Variants in ZNF205 observed in about 807,000 individuals in gnomAD.
ZNF205 encodes the protein transcriptional repressor RHIT.
A neutral mutation model predicts 53.6 loss-of-function variants in ZNF205; 32 were observed. The ratio of observed to expected loss-of-function variants is 0.60; its 90% CI spans 0.45 to 0.80. The LOEUF is 0.80. Among genes scored for constraint, ZNF205 ranks in the 30% least tolerant of loss-of-function variants. The probability of loss-of-function intolerance (pLI) is 0.00; values close to 1 mark genes in which losing one functional copy is unlikely to be tolerated. For synonymous variants in ZNF205, 382 were observed against 334.3 expected (o/e 1.14, Z -1.56); for missense variants, 836 against 782.4 (o/e 1.07, Z -0.82).
At chr16:3,117,442 C>CTT (rs139893783) in intron 5 of ZNF205, among the ~76,000 whole-genome samples, 2,063 of 73,088 alleles carry the variant, frequency 0.028, 432 homozygotes, top group African/African-American at 0.1. Context: ...AGTCCCAGAG[C>CTT]TTTTTTTTTT....
Position 3,115,835 on chromosome 16 carries a change from C to G in ZNF205, c.278C>G (p.Pro93Arg), listed in dbSNP as rs1421081377. The change falls in exon 4 of 7, where the codon CCC (proline) becomes CGC (arginine). Residue 93 changes from proline (P) to arginine (R), a missense_variant. Coordinates refer to ENST00000219091, the MANE Select transcript of ZNF205 (RefSeq NM_001042428.2). ...KALFLPGGAL[P>R]SPRIPVLSRE... The stretch of plus-strand genomic sequence containing the variant: ...GACCTCTCTCCTCCCACAGCCCTCC[C>G]CTCCCCCCGGATCCCCGTGCTTTCC... 6.2e-7 allele frequency: 1 copy of G among 1,613,372 alleles called. No individual in the cohort carries two copies. The highest frequency in any genetic ancestry group is 8.5e-7 in the Non-Finnish European group (1 of 1,179,676).
At chr16:3,114,988 C>T (rs1284859082) in intron 2 of ZNF205, 1 of 178,942 alleles carries the variant, frequency 5.6e-6, no homozygotes, top group African/African-American at 2.3e-5. Flanking sequence ...ACCCTTTTCC[C>T]CAATAAGGTC....
chr16:3,113,522 A>G, intron 2 of ZNF205, 35 bp downstream of exon 2: 3 of 1,609,364 alleles, frequency 1.9e-6, no homozygotes, highest in South Asian at 1.1e-5. Flanking sequence ...GGTGTGCGGT[A>G]GAAGAGGCTG....
chr16:3,113,972 A>G (rs1277418278), intron 2 of ZNF205, among the ~76,000 whole-genome samples: 1 of 152,066 alleles, frequency 6.6e-6, no homozygotes, highest in African/African-American at 2.4e-5. Context: ...AGTCAGCGAC[A>G]GGCCAGGGGC....
intron 3 of ZNF205, 107 bp from the exon 4 acceptor site, chr16:3,115,721 TC>T (rs1337170157): frequency 2.1e-5 from 30 of 1,397,070 alleles, no homozygotes; most frequent in Non-Finnish European, 2.9e-5. Context: ...GTCAGAGCCA[TC>T]CGACCCTGTC....
chr16:3,116,218 T>A, intron 4 of ZNF205: 1 of 710,542 alleles, frequency 1.4e-6, no homozygotes, highest in Non-Finnish European at 2.3e-6. Flanking sequence ...TTAACTGTGA[T>A]CCCTGAAAAT....
Position 3,117,442 on chromosome 16 carries a change from CTTT to C in ZNF205, c.484+917_484+919del, listed in dbSNP as rs139893783. Among the ~76,000 whole-genome samples the C allele has an allele frequency of 1.2e-4, 9 of 73,176 alleles. No individual in the cohort carries two copies. The South Asian group carries it at 2.6e-3, about 21-fold the overall frequency. The allele number at this position is 73,176 out of a possible 152,430, so 48.0% of individuals were successfully genotyped here. A position where few individuals can be genotyped will look rare whatever the true frequency, so the allele number is the denominator to read the frequency against. Reference sequence around the variant, plus strand: ...GATGTTAAGTATTTAAGTCCCAGAGCTTTTTTTTTTTTTTTTTTTTTTTTGAAA... The same window carrying C: ...GATGTTAAGTATTTAAGTCCCAGAGCTTTTTTTTTTTTTTTTTTTTTGAAA... On this transcript the variant is annotated intron_variant, in intron 5 of 6. Transcript: ENST00000219091.
At position 3,113,399 on chromosome 16, in the gene ZNF205, C is replaced by G; in HGVS notation, c.-14-18C>G. 6.2e-7 allele frequency: 1 copy of G among 1,611,734 alleles called. No homozygotes were observed. The highest frequency in any genetic ancestry group is 8.5e-7 in the Non-Finnish European group (1 of 1,178,862). Reference sequence around the variant, plus strand: ...CTTGGCCAAAAAGAGGGAGAAACAACTCAGCTGTTCTTTCTAGCTCTGAAA... The same window carrying G: ...CTTGGCCAAAAAGAGGGAGAAACAAGTCAGCTGTTCTTTCTAGCTCTGAAA... On this transcript the variant is annotated intron_variant, in intron 1 of 6. Transcript: ENST00000219091.
chr16:3,119,560 C>T lies in ZNF205; in HGVS notation c.900C>T (p.Asp300=), dbSNP rs1475482054. The T allele has an allele frequency of 1.2e-5, 19 of 1,608,196 alleles. No homozygotes were observed. The highest frequency in any genetic ancestry group is 1.6e-5 in the Non-Finnish European group (19 of 1,177,818). The stretch of plus-strand genomic sequence containing the variant: ...GTGGCGAGGAGGGCCTGGCCCCTGA[C>T]AGTGAGGTGGGCAGGAAGAGCTACC... ...PESGEEGLAP[D]SEVGRKSYRC... Residue 300 remains aspartate (D), a synonymous_variant, in exon 7 of 7, where the codon GAC becomes GAT. Coordinates refer to ENST00000219091, the MANE Select transcript of ZNF205 (RefSeq NM_001042428.2).
chr16:3,120,473 C>T lies in ZNF205; in HGVS notation c.*148C>T. 1.0e-6 allele frequency: 1 copy of T among 954,988 alleles called. No individual in the cohort carries two copies. Among genetic ancestry groups the T allele is most frequent in the South Asian group, 1.7e-5 (1 of 57,282 alleles). The allele number at this position is 954,988 out of a possible 1,614,324, so 59.2% of individuals were successfully genotyped here. On this transcript the variant is annotated 3_prime_UTR_variant, in exon 7 of 7. Transcript: ENST00000219091. ...GCATGGCGATGGGGGAGGGCGAGGG[C>T]GAGAAAGGGCAGGCACTCTGCGAAT...
Position 3,113,558 on chromosome 16 carries a change from G to C in ZNF205, c.57+71G>C, listed in dbSNP as rs1300555405. The C allele has an allele frequency of 8.3e-6, 13 of 1,559,856 alleles. No individual in the cohort carries two copies. The East Asian group carries it at 2.0e-4, about 24-fold the overall frequency. On this transcript the variant is annotated intron_variant, in intron 2 of 6. Coordinates refer to ENST00000219091, the MANE Select transcript of ZNF205 (RefSeq NM_001042428.2). ...GTGCGGAGGAGATTTTCAAGGCACA[G>C]AGTCTGGACCCCTGGAAGAGTTAGA...
Position 3,120,147 on chromosome 16 carries a change from G to C in ZNF205, c.1487G>C (p.Arg496Pro). 6.2e-7 allele frequency: 1 copy of C among 1,613,196 alleles called. No individual in the cohort carries two copies. Among genetic ancestry groups the C allele is most frequent in the Non-Finnish European group, 8.5e-7 (1 of 1,179,624 alleles). The change falls in exon 7 of 7, where the codon CGC becomes CCC. Residue 496 changes from arginine to proline, a missense_variant. Transcript: ENST00000219091. ...AGCTCGCACCTCACCGCGCACCAGC[G>C]CACCCACCGTGGCGTGCGGCCCTAC... Reference protein sequence around the residue: ...SHSSHLTAHQRTHRGVRPYAC... With the variant: ...SHSSHLTAHQPTHRGVRPYAC...
At chr16:3,115,170 G>A in intron 2 of ZNF205, 185 bp from the exon 3 acceptor site, 1 of 434,746 alleles carries the variant, frequency 2.3e-6, no homozygotes, top group Non-Finnish European at 3.9e-6. Flanking sequence ...CACTGTGGAG[G>A]CGGCTTGGTG....
rs772309161 is a variant in ZNF205, at chr16:3,113,510, G to A, written c.57+23G>A. The A allele has an allele frequency of 6.1e-5, 99 of 1,612,238 alleles. 1 individual carries two copies. In the Middle Eastern group the frequency reaches 2.3e-3, roughly 38 times the overall value. On this transcript the variant is annotated intron_variant, in intron 2 of 6. Transcript: ENST00000219091. ...GAGGTACAGATGGGGCTGGCTGAGG[G>A]AGGTGTGCGGTAGAAGAGGCTGGTG...
intron 2 of ZNF205, 116 bp downstream of exon 2, chr16:3,113,603 C>T: frequency 8.6e-7 from 1 of 1,164,748 alleles, no homozygotes; most frequent in Non-Finnish European, 1.2e-6. Flanking sequence ...GTGGGGAGAT[C>T]AAAGAGAAGG....
chr16:3,119,003 G>C lies in ZNF205; in HGVS notation c.583G>C (p.Gly195Arg), dbSNP rs1596299731. The C allele has an allele frequency of 6.2e-7, 1 of 1,613,410 alleles. No homozygotes were observed. Among genetic ancestry groups the C allele is most frequent in the Non-Finnish European group, 8.5e-7 (1 of 1,179,916 alleles). Residue 195 changes from glycine (G) to arginine (R), a missense_variant, in exon 6 of 7, where the codon GGC (glycine) becomes CGC (arginine). Physicochemically the swap from Gly to Arg is moderately radical, Grantham distance 125. Transcript: ENST00000219091. ...RQAGDEKEWRGACTGAVEVGQ... is the reference protein window; with the variant it reads ...RQAGDEKEWRRACTGAVEVGQ... ...GGCAGGAGATGAGAAGGAGTGGAGA[G>C]GCGCGTGCACAGGTGAGGGACGGGC... is the stretch of plus-strand genomic sequence containing the variant.
At position 3,120,142 on chromosome 16, in the gene ZNF205, C is replaced by G. The variant is rs778070368; in HGVS notation, c.1482C>G (p.His494Gln). ...SFSHSSHLTA[H>Q]QRTHRGVRPY... ...GCCACAGCTCGCACCTCACCGCGCACCAGCGCACCCACCGTGGCGTGCGGC... is the reference window on the plus strand; with the variant it reads ...GCCACAGCTCGCACCTCACCGCGCAGCAGCGCACCCACCGTGGCGTGCGGC... Residue 494 changes from histidine to glutamine, a missense_variant, in exon 7 of 7, where the codon CAC (histidine) becomes CAG (glutamine). His to Gln is a conservative substitution (Grantham distance 24, BLOSUM62 0). Transcript: ENST00000219091. 12 of 1,613,260 alleles carry G rather than the reference C, an allele frequency of 7.4e-6. No homozygotes were observed. The highest frequency in any genetic ancestry group is 1.1e-5 in the South Asian group (1 of 91,040).
At position 3,119,663 on chromosome 16, in the gene ZNF205, C is replaced by T. The variant is rs1957395233; in HGVS notation, c.1003C>T (p.Pro335Ser). 2 of 1,613,036 alleles carry T rather than the reference C, an allele frequency of 1.2e-6. No homozygotes were observed. The highest frequency in any genetic ancestry group is 1.3e-5 in the African/African-American group (1 of 74,908). The change falls in exon 7 of 7, where the codon CCC becomes TCC. Residue 335 changes from proline (P) to serine (S), a missense_variant. By Grantham distance (74) the Pro-to-Ser change is moderately conservative. Coordinates refer to ENST00000219091, the MANE Select transcript of ZNF205 (RefSeq NM_001042428.2). ...CCGGCGCACGCACACGGGCGAGAAG[C>T]CCTACGCCTGCACTGACTGCGGGAA... ...THRRTHTGEK[P>S]YACTDCGKRF...
At position 3,119,037 on chromosome 16, in the gene ZNF205, TTGTC is replaced by T. The variant is rs748186240; in HGVS notation, c.595+25_595+28del. 2.1e-5 allele frequency: 34 copies of T among 1,608,788 alleles called. No individual in the cohort carries two copies. The East Asian group carries it at 5.6e-4, about 26-fold the overall frequency. The stretch of plus-strand genomic sequence containing the variant: ...ACAGGTGAGGGACGGGCGCGCGCCT[TTGTC>T]TGCGGGAGTGGGGCGCAGACGCAGG... On this transcript the variant is annotated intron_variant, in intron 6 of 6. Coordinates refer to ENST00000219091, the MANE Select transcript of ZNF205 (RefSeq NM_001042428.2).
Sources: gnomAD v4.1 joint callset for allele counts (sites outside exome capture counted in the v4.1 genomes callset) on GRCh38, gnomAD v4.1.1 for gene constraint, MANE v1.5 for transcripts, NCBI Gene and HGNC (gene_info 2026-07-23, HGNC 2026-07-21) for gene names.